ACE: variants seen among roughly 807,000 people sequenced by gnomAD.
The protein encoded by ACE is angiotensin I converting enzyme.
Under a neutral mutation model 162.3 loss-of-function variants are expected in ACE, and 122 were observed. The observed-to-expected ratio is 0.75, with a 90% CI of 0.65 to 0.87. The LOEUF is 0.87. ACE is among the 40% of genes least tolerant of loss of function. The probability of loss-of-function intolerance (pLI) is 0.00; values close to 1 mark genes in which losing one functional copy is unlikely to be tolerated. For missense variants in ACE, 1,799 were observed against 1,735.1 expected (o/e 1.04, Z -0.65); for synonymous variants, 796 against 720.6 (o/e 1.10, Z -1.68).
At chr17:63,493,021 CACCCCT>C (rs1286093160) in intron 19 of ACE, among the ~76,000 whole-genome samples, 2 of 152,208 alleles carry the variant, frequency 1.3e-5, no homozygotes, top group Non-Finnish European at 2.9e-5. Flanking sequence ...CGCCCACTCT[CACCCCT>C]GACAGAAACA....
At chr17:63,487,669 G>A (rs966849433) in intron 15 of ACE, among the ~76,000 whole-genome samples, 6 of 151,992 alleles carry the variant, frequency 3.9e-5, no homozygotes, top group African/African-American at 7.3e-5. Context: ...ACCCCGGCCC[G>A]TTTGAAAGAG....
intron 15 of ACE, 187 bp from the exon 16 acceptor site, chr17:63,488,460 CG>C: frequency 2.3e-6 from 1 of 441,070 alleles, no homozygotes; most frequent in African/African-American, 2.1e-5. Context: ...GGCCCCAGGC[CG>C]GGGACTCTGT....
chr17:63,484,681 C>T lies in ACE; in HGVS notation c.1921+140C>T, dbSNP rs2029863819. ...GGAGGGCCAGGCAGCCCCCCAAGCT[C>T]ATCAGCAGGGCCTGCGAGTGGGGAC... On this transcript the variant is annotated intron_variant, in intron 12 of 24. Transcript: ENST00000290866. This position sits in a 1 kb window ranked among gnomAD's most constrained non-coding sequence, Gnocchi z 4.0. The T allele has an allele frequency of 1.4e-6, 2 of 1,446,604 alleles. No individual in the cohort carries two copies. Among genetic ancestry groups the T allele is most frequent in the East Asian group, 5.0e-5 (2 of 40,256 alleles). 89.6% of individuals were successfully genotyped at this position (1,446,604 alleles called of 1,614,324 possible).
rs1202344569 is a variant in ACE at position 63,487,028 on chromosome 17, G to C, written c.2260G>C (p.Ala754Pro). 8 of 1,613,742 alleles carry C rather than the reference G, an allele frequency of 5.0e-6. No homozygotes were observed. The highest frequency in any genetic ancestry group is 6.8e-6 in the Non-Finnish European group (8 of 1,180,034). Residue 754 changes from alanine (A) to proline (P), a missense_variant, in exon 15 of 25, where the codon GCC becomes CCC. Physicochemically the swap from Ala to Pro is conservative, Grantham distance 27 (BLOSUM62 -1). Coordinates refer to ENST00000290866, the MANE Select transcript of ACE (RefSeq NM_000789.4). ...GGATATGGAAACCACCTACAGCGTG[G>C]CCACTGTGTGCCACCCGAATGGCAG... is the stretch of plus-strand genomic sequence containing the variant. ...LLDMETTYSV[A>P]TVCHPNGSCL...
chr17:63,485,367 A>G lies in ACE; in HGVS notation c.2053A>G (p.Ile685Val). ...NTNITTETSK[I>V]LLQKNMQIAN... ...CAACATCACCACAGAGACCAGCAAG[A>G]TTCTGGTGGGAGCCACCTCCCCACC... Residue 685 changes from isoleucine (I) to valine (V), a missense_variant, in exon 13 of 25, where the codon ATT (isoleucine) becomes GTT (valine). By Grantham distance (29) the Ile-to-Val change is conservative. Coordinates refer to ENST00000290866, the MANE Select transcript of ACE (RefSeq NM_000789.4). 6.2e-7 allele frequency: 1 copy of G among 1,613,974 alleles called. No individual in the cohort carries two copies. The highest frequency in any genetic ancestry group is 2.2e-5 in the East Asian group (1 of 44,882).
intron 23 of ACE, 116 bp from the exon 24 acceptor site, chr17:63,496,682 G>C: frequency 1.4e-5 from 22 of 1,572,292 alleles, no homozygotes; most frequent in Non-Finnish European, 1.8e-5. Flanking sequence ...GGCACCTGGA[G>C]CCCTGGGGCC....
rs4979 is a variant in ACE at position 63,496,502 on chromosome 17, C to T, written c.3489C>T (p.Ala1163=). The T allele has an allele frequency of 2.8e-4, 451 of 1,614,100 alleles. 1 individual carries two copies. The African/African-American group carries it at 4.8e-3, about 17-fold the overall frequency. The change falls in exon 23 of 25, where the codon GCC becomes GCT. Residue 1163 remains alanine, a synonymous_variant. Coordinates refer to ENST00000290866, the MANE Select transcript of ACE (RefSeq NM_000789.4). ...HKCDIYQSKE[A]GQRLATAMKL... The stretch of plus-strand genomic sequence containing the variant: ...GTGACATCTACCAGTCCAAGGAGGC[C>T]GGGCAGCGCCTGGCGTGAGTGTCCT...
chr17:63,482,085 C>T (rs1428124655), intron 7 of ACE, among the ~76,000 whole-genome samples: 5 of 151,962 alleles, frequency 3.3e-5, no homozygotes, highest in East Asian at 1.9e-4. Context: ...TCACCTGAGG[C>T]CAGGAGTTCG....
intron 17 of ACE, chr17:63,490,382 C>T (rs566538300): frequency 1.1e-3 from 180 of 164,210 alleles, no homozygotes; most frequent in Non-Finnish European, 1.3e-3. Flanking sequence ...CTGCAGACAC[C>T]GACCTCAGGT....
Position 63,484,203 on chromosome 17 carries a change from G to A in ACE, c.1710-127G>A. ...ACCATCAGAGAGATCCCAGGCCCCA[G>A]GGTCTTATTGCCACAGTTTCTGCAG... On this transcript the variant is annotated intron_variant, in intron 11 of 24. Coordinates refer to ENST00000290866, the MANE Select transcript of ACE (RefSeq NM_000789.4). This position sits in a 1 kb window ranked among gnomAD's most constrained non-coding sequence, Gnocchi z 4.0. 2 of 1,289,170 alleles carry A rather than the reference G, an allele frequency of 1.6e-6. No homozygotes were observed. Among genetic ancestry groups the A allele is most frequent in the Non-Finnish European group, 2.2e-6 (2 of 925,872 alleles). The allele number at this position is 1,289,170 out of a possible 1,614,324, so 79.9% of individuals were successfully genotyped here.
intron 6 of ACE, among the ~76,000 whole-genome samples, 169 bp from the exon 7 acceptor site, chr17:63,481,397 C>T (rs2049707002): frequency 6.6e-6 from 1 of 152,142 alleles, no homozygotes; most frequent in African/African-American, 2.4e-5. Flanking sequence ...AGCAACAACG[C>T]ACTTTCACTC....
rs745506888 is a variant in ACE, at chr17:63,483,851, A to G, written c.1589A>G (p.Tyr530Cys). 8 of 1,613,990 alleles carry G rather than the reference A, an allele frequency of 5.0e-6. No individual in the cohort carries two copies. The Admixed American group carries it at 6.7e-5, about 13-fold the overall frequency. ...TGACTCCCACCCTGTGCCTGCAGGT[A>G]CTTTGTGAGTTTTGTCCTGCAGTTC... ...HVPNVTPYIRYFVSFVLQFQF... is the reference protein window; with the variant it reads ...HVPNVTPYIRCFVSFVLQFQF... The change falls in exon 11 of 25, where the codon TAC becomes TGC. Residue 530 changes from tyrosine (Y) to cysteine (C), a missense_variant and splice_region_variant. Physicochemically the swap from Tyr to Cys is radical, Grantham distance 194 (BLOSUM62 -2). Transcript: ENST00000290866.
rs1337541784 is a variant in ACE at position 63,497,394 on chromosome 17, A to C, written c.*28A>C. 1 of 1,531,010 alleles carries C rather than the reference A, an allele frequency of 6.5e-7. No individual in the cohort carries two copies. Among genetic ancestry groups the C allele is most frequent in the South Asian group, 1.2e-5 (1 of 83,606 alleles). 94.8% of individuals were successfully genotyped at this position (1,531,010 alleles called of 1,614,324 possible). A position where few individuals can be genotyped will look rare whatever the true frequency, so the allele number is the denominator to read the frequency against. On this transcript the variant is annotated 3_prime_UTR_variant, in exon 25 of 25. Coordinates refer to ENST00000290866, the MANE Select transcript of ACE (RefSeq NM_000789.4). ...TGACCCGGCTGGGTCGGCCCTGCCC[A>C]AGGGCCTCCCACCAGAGACTGGGAT...
At chr17:63,496,624 G>A (rs867558660) in intron 23 of ACE, 108 bp downstream of exon 23, 18 of 1,601,316 alleles carry the variant, frequency 1.1e-5, no homozygotes, top group Middle Eastern at 2.1e-4. Context: ...ATTTTGAGCC[G>A]GGAACTCCCA....
In ACE at chr17:63,497,933, G is replaced by C. The variant is rs768062318; in HGVS notation, c.*567G>C. ...TCCACTGGCAGTGGAGCCTTTCCCT[G>C]CTCCACAAATGGCCAGGTCCCCCCA... is the stretch of plus-strand genomic sequence containing the variant. On this transcript the variant is annotated 3_prime_UTR_variant, in exon 25 of 25. Coordinates refer to ENST00000290866, the MANE Select transcript of ACE (RefSeq NM_000789.4). 20 of 210,098 alleles carry C rather than the reference G, an allele frequency of 9.5e-5. No homozygotes were observed. Among genetic ancestry groups the C allele is most frequent in the South Asian group, 5.1e-4 (7 of 13,666 alleles). The allele number at this position is 210,098 out of a possible 1,614,324, so 13.0% of individuals were successfully genotyped here.
Position 63,481,655 on chromosome 17 carries a change from G to T in ACE, c.1035G>T (p.Gly345=). ...CCATGCCTCCCGAGTTCTGGGAAGG[G>T]TCGATGCTGGAGAAGCCGGCCGACG... ...LSPMPPEFWE[G]SMLEKPADGR... is the part of the protein sequence containing the mutation. Residue 345 remains glycine, a synonymous_variant, in exon 7 of 25, where the codon GGG becomes GGT. Transcript: ENST00000290866. 1 of 1,614,120 alleles carries T rather than the reference G, an allele frequency of 6.2e-7. No homozygotes were observed. Among genetic ancestry groups the T allele is most frequent in the Non-Finnish European group, 8.5e-7 (1 of 1,180,018 alleles).
rs4313 is a variant in ACE at position 63,483,656 on chromosome 17, C to T, written c.1586+98C>T. On this transcript the variant is annotated intron_variant, in intron 10 of 24. Transcript: ENST00000290866. The stretch of plus-strand genomic sequence containing the variant: ...GCTGCCTCATCCCCAGGGCTTGTCC[C>T]CATGCTCCTCCAGACCTCAAAGGCC... 0.064 allele frequency: 88,913 copies of T among 1,388,006 alleles called. 3,644 individuals are homozygous for T. The highest frequency in any genetic ancestry group is 0.18 in the African/African-American group (12,235 of 69,638). The allele number at this position is 1,388,006 out of a possible 1,614,324, so 86.0% of individuals were successfully genotyped here. A position where few individuals can be genotyped will look rare whatever the true frequency, so the allele number is the denominator to read the frequency against.
At chr17:63,485,620 A>G (rs1272933560) in intron 13 of ACE, 2 of 471,314 alleles carry the variant, frequency 4.2e-6, no homozygotes, top group East Asian at 4.9e-5. Flanking sequence ...TAGTAAAAAT[A>G]CAAAAATTAG....
chr17:63,483,370 G>A, intron 9 of ACE, 90 bp from the exon 10 acceptor site: 1 of 1,472,372 alleles, frequency 6.8e-7, no homozygotes. Flanking sequence ...ATGGGGAAGG[G>A]TTGCCGGGTG....
Sources: gnomAD v4.1 joint callset for allele counts (sites outside exome capture counted in the v4.1 genomes callset) on GRCh38, gnomAD v4.1.1 for gene constraint, Gnocchi (gnomAD v3.1) non-coding constraint, MANE v1.5 for transcripts, NCBI Gene and HGNC (gene_info 2026-07-23, HGNC 2026-07-21) for gene names.